The following SCFD2 variants were observed in gnomAD, a reference collection of about 807,000 sequenced individuals.
The protein encoded by SCFD2 is sec1 family domain-containing protein 2.
A neutral mutation model predicts 58.9 loss-of-function variants in SCFD2; 54 were observed. The ratio of observed to expected loss-of-function variants is 0.92; its 90% CI spans 0.74 to 1.15. The LOEUF is 1.15. SCFD2 is among the 50% of genes most tolerant of loss of function. The pLI, the probability that SCFD2 is intolerant of heterozygous loss-of-function variation, is 0.00. For missense variants in SCFD2, 805 were observed against 836.6 expected (o/e 0.96, Z 0.47); for synonymous variants, 321 against 335.9 (o/e 0.96, Z 0.49).
intron 6 of SCFD2, among the ~76,000 whole-genome samples, chr4:52,914,397 G>A (rs1035912842): frequency 2.0e-5 from 3 of 152,192 alleles, no homozygotes; most frequent in African/African-American, 7.2e-5. Flanking sequence ...CCAGGGGACT[G>A]GTGTATTCAT....
intron 6 of SCFD2, 38 bp from the exon 7 acceptor site, chr4:52,907,629 G>A (rs1344276311): frequency 6.2e-7 from 1 of 1,609,552 alleles, no homozygotes; most frequent in Admixed American, 1.7e-5. Context: ...GGGATTGTTT[G>A]GTTTGTCTGG....
At chr4:53,359,883 TG>T (rs896346030) in intron 1 of SCFD2, among the ~76,000 whole-genome samples, 17 of 152,182 alleles carry the variant, frequency 1.1e-4, no homozygotes, top group Admixed American at 2.0e-4. Flanking sequence ...TCATTCAATG[TG>T]GGGCCACTCT....
chr4:53,184,355 C>T (rs1279312547), intron 4 of SCFD2, among the ~76,000 whole-genome samples: 1 of 152,062 alleles, frequency 6.6e-6, no homozygotes, highest in Non-Finnish European at 1.5e-5. Context: ...ACATACTCTA[C>T]CCATCTGTTC....
chr4:53,002,545 A>G (rs771397631), intron 5 of SCFD2, among the ~76,000 whole-genome samples: 1 of 152,166 alleles, frequency 6.6e-6, no homozygotes, highest in Non-Finnish European at 1.5e-5. Context: ...TCTTGCATTT[A>G]TTCAGCATTG....
intron 4 of SCFD2, among the ~76,000 whole-genome samples, chr4:53,228,492 G>A (rs1729304393): frequency 6.6e-6 from 1 of 152,072 alleles, no homozygotes; most frequent in South Asian, 2.1e-4. Flanking sequence ...GTTTGATGAA[G>A]ATAAAATAGA....
chr4:52,985,372 A>G (rs1314941554), intron 5 of SCFD2, among the ~76,000 whole-genome samples: 1 of 152,188 alleles, frequency 6.6e-6, no homozygotes, highest in Non-Finnish European at 1.5e-5. Flanking sequence ...ATTTGGCACC[A>G]TGCTTAGCTC....
intron 4 of SCFD2, among the ~76,000 whole-genome samples, chr4:53,259,445 A>G (rs893249316): frequency 3.9e-5 from 6 of 152,168 alleles, no homozygotes; most frequent in African/African-American, 1.2e-4. Context: ...GTGGCTTTCC[A>G]ATTATCCCAG....
At chr4:52,898,752 G>A (rs1188674757) in intron 7 of SCFD2, among the ~76,000 whole-genome samples, 1 of 152,160 alleles carries the variant, frequency 6.6e-6, no homozygotes, top group Non-Finnish European at 1.5e-5. Flanking sequence ...TGACAGTGGG[G>A]TGTTAAAGTC....
At chr4:53,227,144 C>T (rs1277678770) in intron 4 of SCFD2, among the ~76,000 whole-genome samples, 1 of 152,108 alleles carries the variant, frequency 6.6e-6, no homozygotes, top group African/African-American at 2.4e-5. Context: ...CTGAGCATCA[C>T]CTGACCTTCT....
chr4:53,086,289 T>C (rs1724302413), intron 5 of SCFD2, among the ~76,000 whole-genome samples: 1 of 152,182 alleles, frequency 6.6e-6, no homozygotes, highest in Non-Finnish European at 1.5e-5. Context: ...AGGTGTTCAA[T>C]ATCATTGATA....
chr4:52,898,342 G>A (rs1018682290), intron 7 of SCFD2, among the ~76,000 whole-genome samples: 2 of 152,126 alleles, frequency 1.3e-5, no homozygotes, highest in African/African-American at 4.8e-5. Flanking sequence ...CAGAGATTCC[G>A]GTATGTTGTG....
intron 5 of SCFD2, among the ~76,000 whole-genome samples, chr4:52,952,202 C>T (rs1374879162): frequency 2.0e-5 from 3 of 151,946 alleles, no homozygotes; most frequent in Non-Finnish European, 2.9e-5. Context: ...CAAAGCCACT[C>T]CCTACCATAT....
chr4:53,295,138 A>G (rs1451131497), intron 3 of SCFD2, among the ~76,000 whole-genome samples: 2 of 152,156 alleles, frequency 1.3e-5, no homozygotes, highest in African/African-American at 2.4e-5. Flanking sequence ...TTTTGGTTCC[A>G]TATAAAATTT....
At chr4:53,011,391 A>G (rs1722090463) in intron 5 of SCFD2, among the ~76,000 whole-genome samples, 1 of 152,148 alleles carries the variant, frequency 6.6e-6, no homozygotes, top group Admixed American at 6.6e-5. Context: ...CAAAACAGTG[A>G]CAGAGTTGAC....
chr4:53,301,058 A>G (rs538895277), intron 3 of SCFD2, among the ~76,000 whole-genome samples: 23 of 152,312 alleles, frequency 1.5e-4, no homozygotes, highest in African/African-American at 5.1e-4. Flanking sequence ...GCAAGAGCAA[A>G]CACATTCAAA....
intron 4 of SCFD2, among the ~76,000 whole-genome samples, chr4:53,254,958 C>T (rs1265743985): frequency 1.3e-5 from 2 of 150,112 alleles, no homozygotes; most frequent in African/African-American, 2.4e-5. Context: ...CTGCAAGCTC[C>T]GCCTCCTGGG....
intron 4 of SCFD2, among the ~76,000 whole-genome samples, chr4:53,203,085 G>A (rs922194030): frequency 2.6e-5 from 4 of 152,190 alleles, no homozygotes; most frequent in Non-Finnish European, 5.9e-5. Context: ...TGGTGAGGGA[G>A]GGCATCCCTG....
chr4:53,263,909 A>G (rs1577912353), intron 4 of SCFD2, among the ~76,000 whole-genome samples: 1 of 152,188 alleles, frequency 6.6e-6, no homozygotes, highest in Non-Finnish European at 1.5e-5. Context: ...GAGAAAGACC[A>G]CCAGGTGGGA....
At chr4:53,002,165 T>C (rs1023012881) in intron 5 of SCFD2, among the ~76,000 whole-genome samples, 2 of 152,172 alleles carry the variant, frequency 1.3e-5, no homozygotes, top group African/African-American at 4.8e-5. Context: ...GAGAGGCCCC[T>C]TGTGAGAAAC....
Sources: gnomAD v4.1 joint callset for allele counts (sites outside exome capture counted in the v4.1 genomes callset) on GRCh38, gnomAD v4.1.1 for gene constraint, MANE v1.5 for transcripts, NCBI Gene and HGNC (gene_info 2026-07-23, HGNC 2026-07-21) for gene names.